CSGALNACT2: variants seen among roughly 807,000 people sequenced by gnomAD.
The protein encoded by CSGALNACT2 is chondroitin sulfate N-acetylgalactosaminyltransferase 2.
A neutral mutation model predicts 55.3 loss-of-function variants in CSGALNACT2; 35 were observed. The observed-to-expected ratio is 0.63, with a 90% CI of 0.48 to 0.84. The LOEUF is 0.84. CSGALNACT2 is among the 40% of genes least tolerant of loss of function. The probability of loss-of-function intolerance (pLI) is 0.00; values close to 1 mark genes in which losing one functional copy is unlikely to be tolerated. For missense variants in CSGALNACT2, 544 were observed against 657.5 expected, an observed-to-expected ratio of 0.83 and a Z score of 1.89; for synonymous variants, 196 against 224.9, an observed-to-expected ratio of 0.87 and a Z score of 1.15.
chr10:43,160,497 T>C lies in CSGALNACT2; in HGVS notation c.882T>C (p.Asp294=), dbSNP rs759504384. ...TTTTATTTTTCACTTCTGTTAGGGA[T>C]GTTTGTATTCATCAAGACAAGAAGA... The part of the protein sequence containing the change: ...AFVQFMQNFR[D]VCIHQDKKIH... The change falls in exon 4 of 8, where the codon GAT becomes GAC. Residue 294 remains aspartate (D), a synonymous_variant. Coordinates refer to ENST00000374466, the MANE Select transcript of CSGALNACT2 (RefSeq NM_018590.5). 3 of 1,510,164 alleles carry C rather than the reference T, an allele frequency of 2.0e-6. No individual in the cohort carries two copies. The highest frequency in any genetic ancestry group is 2.8e-6 in the Non-Finnish European group (3 of 1,090,302). 93.5% of individuals were successfully genotyped at this position (1,510,164 alleles called of 1,614,324 possible). A position where few individuals can be genotyped will look rare whatever the true frequency, so the allele number is the denominator to read the frequency against.
Position 43,155,761 on chromosome 10 carries a change from G to C in CSGALNACT2, c.612G>C (p.Glu204Asp). 6.2e-7 allele frequency: 1 copy of C among 1,613,566 alleles called. No individual in the cohort carries two copies. The highest frequency in any genetic ancestry group is 8.5e-7 in the Non-Finnish European group (1 of 1,179,790). ...AAGATGATGAACAAGAAGATGAGGA[G>C]GGTCCCCTTGGAGAGAAACTGATAT... ...PDEDDEQEDE[E>D]GPLGEKLIFN... The change falls in exon 2 of 8, where the codon GAG becomes GAC. Residue 204 changes from glutamate to aspartate, a missense_variant. By Grantham distance (45) the Glu-to-Asp change is conservative. This residue lies in a region of CSGALNACT2 where 374 missense variants were observed against 401.3 expected (regional missense o/e 0.93). Transcript: ENST00000374466.
At chr10:43,163,629 T>A (rs746778040) in intron 4 of CSGALNACT2, 2 of 985,462 alleles carry the variant, frequency 2.0e-6, no homozygotes, top group Non-Finnish European at 2.4e-6. Context: ...CAGTGGCCAC[T>A]TTAACACTTT....
intron 1 of CSGALNACT2, among the ~76,000 whole-genome samples, chr10:43,145,431 T>TA (rs1554821614): frequency 6.7e-6 from 1 of 149,040 alleles, no homozygotes; most frequent in Admixed American, 6.6e-5. Flanking sequence ...TTTTTTTTTT[T>TA]TTTAAGAGAC....
rs186836697 is a variant in CSGALNACT2, at chr10:43,176,516, C to T, written c.1336+484C>T. Reference sequence around the variant, plus strand: ...GAAAGAAGACCTGCTCTTTCTAGCGCGTCTTGGAATCACACCTTAGTCATG... The same window carrying T: ...GAAAGAAGACCTGCTCTTTCTAGCGTGTCTTGGAATCACACCTTAGTCATG... On this transcript the variant is annotated intron_variant, in intron 7 of 7. Coordinates refer to ENST00000374466, the MANE Select transcript of CSGALNACT2 (RefSeq NM_018590.5). Among the ~76,000 whole-genome samples, 17 of 152,294 alleles carry T rather than the reference C, an allele frequency of 1.1e-4. No homozygotes were observed. The East Asian group carries it at 2.3e-3, about 21-fold the overall frequency.
chr10:43,162,717 A>G, intron 4 of CSGALNACT2: 1 of 981,024 alleles, frequency 1.0e-6, no homozygotes, highest in Non-Finnish European at 1.2e-6. Context: ...CTCCAGCTTC[A>G]GTGCCAGAGT....
chr10:43,150,656 T>C (rs1265815333), intron 1 of CSGALNACT2, among the ~76,000 whole-genome samples: 1 of 152,230 alleles, frequency 6.6e-6, no homozygotes, highest in Non-Finnish European at 1.5e-5. Context: ...TCTCTTTACA[T>C]TGGATTTGAG....
chr10:43,164,639 G>C (rs560703389), intron 5 of CSGALNACT2, among the ~76,000 whole-genome samples: 80 of 152,266 alleles, frequency 5.3e-4, no homozygotes, highest in Middle Eastern at 3.4e-3. Context: ...ATGAGGTCAA[G>C]AGATTGAGAC....
chr10:43,162,941 C>G, intron 4 of CSGALNACT2: 2 of 985,380 alleles, frequency 2.0e-6, no homozygotes, highest in Non-Finnish European at 2.4e-6. Context: ...TTTCTTTAAC[C>G]TTGCATGGGA....
chr10:43,146,146 G>A lies in CSGALNACT2; in HGVS notation c.-254+7579G>A, dbSNP rs150291100. Among the ~76,000 whole-genome samples the A allele has an allele frequency of 6.4e-4, 97 of 152,312 alleles. 1 individual carries two copies. The highest frequency in any genetic ancestry group is 3.4e-3 in the Middle Eastern group (1 of 294). On this transcript the variant is annotated intron_variant, in intron 1 of 7. Transcript: ENST00000374466. ...ATCACAAGGTGAAGTCCCATGATAG[G>A]TCATCAGCAAGTTGAGGAGCAAGGA... is the stretch of plus-strand genomic sequence containing the variant.
chr10:43,148,611 A>T (rs1163845817), intron 1 of CSGALNACT2, among the ~76,000 whole-genome samples: 2 of 152,168 alleles, frequency 1.3e-5, no homozygotes, highest in Non-Finnish European at 2.9e-5. Context: ...TCTTTTGTTA[A>T]CATTATTCCT....
intron 7 of CSGALNACT2, 45 bp downstream of exon 7, chr10:43,176,077 A>T (rs745869057): frequency 2.1e-6 from 3 of 1,443,908 alleles, no homozygotes; most frequent in Non-Finnish European, 2.9e-6. Context: ...TTTACTCCAG[A>T]CTTAATGGTA....
Position 43,155,337 on chromosome 10 carries a change from A to T in CSGALNACT2, c.188A>T (p.Glu63Val). 6.2e-7 allele frequency: 1 copy of T among 1,614,220 alleles called. No homozygotes were observed. Among genetic ancestry groups the T allele is most frequent in the Non-Finnish European group, 8.5e-7 (1 of 1,180,046 alleles). ...GAGTATTATCAAGCCCTCCTACAGG[A>T]ACAAGAAGAACATTATCAGACCAGG... ...GKEYYQALLQ[E>V]QEEHYQTRAT... Residue 63 changes from glutamate to valine, a missense_variant, in exon 2 of 8, where the codon GAA (glutamate) becomes GTA (valine). Glu to Val is a moderately radical substitution (Grantham distance 121). Around this residue, in one of 2 missense-constraint regions of CSGALNACT2, gnomAD observed 374 missense variants for 401.3 expected, o/e 0.93. Coordinates refer to ENST00000374466, the MANE Select transcript of CSGALNACT2 (RefSeq NM_018590.5).
At chr10:43,150,211 C>T (rs1184827869) in intron 1 of CSGALNACT2, among the ~76,000 whole-genome samples, 1 of 151,980 alleles carries the variant, frequency 6.6e-6, no homozygotes, top group East Asian at 1.9e-4. Context: ...TCTGGTATTT[C>T]TTCTTAAATC....
Position 43,155,734 on chromosome 10 carries a change from T to C in CSGALNACT2, c.585T>C (p.Asp195=). The C allele has an allele frequency of 6.2e-7, 1 of 1,614,108 alleles. No homozygotes were observed. The highest frequency in any genetic ancestry group is 8.5e-7 in the Non-Finnish European group (1 of 1,180,000). ...GCTTGGAGGTCATTAATAATCCTGA[T>C]GAAGATGATGAACAAGAAGATGAGG... is the stretch of plus-strand genomic sequence containing the variant. ...EAGLEVINNP[D]EDDEQEDEEG... The change falls in exon 2 of 8, where the codon GAT becomes GAC. Residue 195 remains aspartate (D), a synonymous_variant. Coordinates refer to ENST00000374466, the MANE Select transcript of CSGALNACT2 (RefSeq NM_018590.5).
At chr10:43,158,969 TAAAA>T in intron 3 of CSGALNACT2, 38 bp downstream of exon 3, 1 of 1,245,086 alleles carries the variant, frequency 8.0e-7, no homozygotes, top group Non-Finnish European at 1.2e-6. Context: ...TACATTCTCC[TAAAA>T]AAAATCACGT....
intron 7 of CSGALNACT2, 28 bp from the exon 8 acceptor site, chr10:43,183,222 A>T (rs368103854): frequency 1.2e-4 from 181 of 1,564,878 alleles, no homozygotes; most frequent in Non-Finnish European, 1.5e-4. Context: ...ATAGGCAGTT[A>T]TTTATAGTGT....
intron 1 of CSGALNACT2, among the ~76,000 whole-genome samples, chr10:43,150,121 C>G (rs997981532): frequency 1.5e-4 from 23 of 152,112 alleles, no homozygotes; most frequent in African/African-American, 5.6e-4. Flanking sequence ...ACCAGTGAAG[C>G]CTCTTGGCCT....
At chr10:43,158,669 T>A in intron 2 of CSGALNACT2, 46 bp from the exon 3 acceptor site, 1 of 1,142,308 alleles carries the variant, frequency 8.8e-7, no homozygotes, top group Non-Finnish European at 1.3e-6. Flanking sequence ...ATTGAATTTG[T>A]AAACTTTGAC....
At chr10:43,175,921 T>C (rs375074382) in intron 6 of CSGALNACT2, 30 bp from the exon 7 acceptor site, 55 of 1,506,092 alleles carry the variant, frequency 3.7e-5, no homozygotes, top group African/African-American at 1.9e-5. Flanking sequence ...TGGAATTAAA[T>C]TGTTTTCTGT....
Sources: allele counts gnomAD v4.1 joint callset (sites outside exome capture counted in the v4.1 genomes callset), GRCh38; gene constraint gnomAD v4.1.1; regional missense constraint gnomAD v4.1.1; transcripts MANE v1.5; gene names NCBI Gene and HGNC (gene_info 2026-07-23, HGNC 2026-07-21).